The following GPC3 variants were observed in gnomAD, a reference collection of about 807,000 sequenced individuals.
GPC3 encodes glypican-3.
GPC3 carries 3 observed loss-of-function variants against 34.4 expected under a neutral mutation model. That is an observed-to-expected ratio of 0.09 (90% CI 0.04 to 0.23). The LOEUF (loss-of-function observed/expected upper bound fraction) is 0.23. GPC3 is among the 10% of genes least tolerant of loss of function. The probability of loss-of-function intolerance (pLI) is 1.00; values close to 1 mark genes in which losing one functional copy is unlikely to be tolerated. For missense variants in GPC3, 351 were observed against 445.6 expected, an observed-to-expected ratio of 0.79 and a Z score of 1.91; for synonymous variants, 177 against 174.0, an observed-to-expected ratio of 1.02 and a Z score of -0.13.
intron 4 of GPC3, among the ~76,000 whole-genome samples, chrX:133,698,115 T>C (rs1376534662): frequency 8.9e-6 from 1 of 112,213 alleles, no homozygotes; most frequent in African/African-American, 3.2e-5. Context: ...ATTGTTCATG[T>C]ACTCAACCAA....
At chrX:133,712,871 C>T (rs1172461262) in intron 3 of GPC3, among the ~76,000 whole-genome samples, 2 of 110,523 alleles carry the variant, frequency 1.8e-5, no homozygotes, top group Non-Finnish European at 3.8e-5. Context: ...GGGAAAAGAG[C>T]GAGACTCCCT....
intron 7 of GPC3, among the ~76,000 whole-genome samples, chrX:133,591,856 G>A (rs1407214124): frequency 1.8e-5 from 2 of 111,922 alleles, no homozygotes; most frequent in Non-Finnish European, 3.8e-5. Context: ...GGAGAAGTAT[G>A]AACAGCGGTA....
At chrX:133,874,498 T>C (rs773619069) in intron 2 of GPC3, among the ~76,000 whole-genome samples, 3 of 111,998 alleles carry the variant, frequency 2.7e-5, no homozygotes, top group Non-Finnish European at 3.8e-5. Context: ...TGATGATCCC[T>C]TCCATATTTA....
intron 6 of GPC3, among the ~76,000 whole-genome samples, chrX:133,641,982 T>C (rs1358766013): frequency 3.6e-5 from 4 of 111,986 alleles, no homozygotes; most frequent in Admixed American, 2.9e-4. Flanking sequence ...GCCTGCATGC[T>C]ACATTTGGAA....
chrX:133,574,684 A>G (rs1405364407), intron 7 of GPC3, among the ~76,000 whole-genome samples: 1 of 112,426 alleles, frequency 8.9e-6, no homozygotes, highest in Non-Finnish European at 1.9e-5. Flanking sequence ...TAAGGAGAAG[A>G]GGAGTATTTA....
intron 2 of GPC3, chrX:133,763,638 T>A: frequency 1.3e-6 from 1 of 787,102 alleles, no homozygotes. Context: ...CCGCTTCCAC[T>A]GCTCAGGCCA....
At chrX:133,558,076 G>C (rs910045789) in intron 7 of GPC3, among the ~76,000 whole-genome samples, 1 of 111,057 alleles carries the variant, frequency 9.0e-6, no homozygotes, top group African/African-American at 3.3e-5. Context: ...CAAGAGATTA[G>C]AGAAAGTAAG....
intron 1 of GPC3, among the ~76,000 whole-genome samples, chrX:133,962,079 T>C (rs1308282938): frequency 8.9e-6 from 1 of 111,748 alleles, no homozygotes; most frequent in African/African-American, 3.3e-5. Flanking sequence ...ATTGAAGTGG[T>C]GGAGAGTGGC....
At chrX:133,616,512 CAAG>C (rs2070165679) in intron 6 of GPC3, among the ~76,000 whole-genome samples, 1 of 110,372 alleles carries the variant, frequency 9.1e-6, no homozygotes, top group Non-Finnish European at 1.9e-5. Context: ...TTTAAATGGA[CAAG>C]ATAATCCTAA....
intron 1 of GPC3, among the ~76,000 whole-genome samples, chrX:133,955,070 A>G (rs956196344): frequency 9.1e-6 from 1 of 110,465 alleles, no homozygotes; most frequent in Non-Finnish European, 1.9e-5. Context: ...GCATTTGTTG[A>G]TCTCCTTCTG....
At chrX:133,677,551 G>C (rs2070896820) in intron 5 of GPC3, among the ~76,000 whole-genome samples, 1 of 112,413 alleles carries the variant, frequency 8.9e-6, no homozygotes, top group Admixed American at 9.4e-5. Context: ...CTAGGACTCA[G>C]GCTGGAGTCT....
chrX:133,639,504 A>T (rs999889649), intron 6 of GPC3, among the ~76,000 whole-genome samples: 1 of 111,791 alleles, frequency 8.9e-6, no homozygotes. Flanking sequence ...GTGTTGATCT[A>T]TTGAACTGTG....
At chrX:133,553,075 C>T (rs1474261685) in intron 7 of GPC3, among the ~76,000 whole-genome samples, 2 of 112,179 alleles carry the variant, frequency 1.8e-5, no homozygotes, top group Non-Finnish European at 3.8e-5. Context: ...AAAGAAGATG[C>T]AATTGGCAAG....
intron 4 of GPC3, among the ~76,000 whole-genome samples, chrX:133,699,459 T>A (rs1035987533): frequency 6.2e-5 from 7 of 112,060 alleles, no homozygotes; most frequent in Non-Finnish European, 1.9e-5. Context: ...CTTCATTTTA[T>A]CATTTTTAAA....
At chrX:133,854,134 TCC>T (rs2075889128) in intron 2 of GPC3, among the ~76,000 whole-genome samples, 1 of 111,604 alleles carries the variant, frequency 9.0e-6, no homozygotes, top group Non-Finnish European at 1.9e-5. Context: ...CTTTTGACTC[TCC>T]CCTATCATAA....
intron 1 of GPC3, among the ~76,000 whole-genome samples, chrX:133,963,425 T>A (rs980092166): frequency 8.9e-6 from 1 of 112,032 alleles, no homozygotes; most frequent in African/African-American, 3.2e-5. Flanking sequence ...TAACACCTAC[T>A]CTCAAGGTCG....
At chrX:133,964,895 T>C (rs1489597570) in intron 1 of GPC3, among the ~76,000 whole-genome samples, 1 of 111,193 alleles carries the variant, frequency 9.0e-6, no homozygotes, top group African/African-American at 3.3e-5. Flanking sequence ...GCCACCCACA[T>C]CCCCCTCAGG....
At chrX:133,617,125 A>C (rs1234190274) in intron 6 of GPC3, among the ~76,000 whole-genome samples, 1 of 112,032 alleles carries the variant, frequency 8.9e-6, no homozygotes, top group Non-Finnish European at 1.9e-5. Flanking sequence ...CCAAGAAGCA[A>C]TTCTATGACA....
At chrX:133,804,490 G>A (rs1222417356) in intron 2 of GPC3, among the ~76,000 whole-genome samples, 1 of 105,704 alleles carries the variant, frequency 9.5e-6, no homozygotes, top group Non-Finnish European at 1.9e-5. Flanking sequence ...TTTTTTTTTT[G>A]AGCTCCAGAC....
Sources: gnomAD v4.1 joint callset for allele counts (sites outside exome capture counted in the v4.1 genomes callset) on GRCh38, gnomAD v4.1.1 for gene constraint, MANE v1.5 for transcripts, NCBI Gene and HGNC (gene_info 2026-07-23, HGNC 2026-07-21) for gene names.